PIK3AP1: variants seen among roughly 807,000 people sequenced by gnomAD.
PIK3AP1 encodes phosphoinositide 3-kinase adapter protein 1.
In PIK3AP1, 21 loss-of-function variants were observed where a neutral mutation model predicts 88.1. The ratio of observed to expected loss-of-function variants is 0.24; its 90% CI spans 0.17 to 0.34. PIK3AP1 has a LOEUF of 0.34. PIK3AP1 is among the 10% of genes least tolerant of loss of function. The probability of loss-of-function intolerance (pLI) is 1.00; values close to 1 mark genes in which losing one functional copy is unlikely to be tolerated. For missense variants in PIK3AP1, 828 were observed against 1,035.7 expected, an observed-to-expected ratio of 0.80 and a Z score of 2.75; for synonymous variants, 398 against 400.0, an observed-to-expected ratio of 1.00 and a Z score of 0.06.
chr10:96,676,287 G>A (rs1050841539), intron 2 of PIK3AP1, among the ~76,000 whole-genome samples: 10 of 148,524 alleles, frequency 6.7e-5, no homozygotes, highest in African/African-American at 2.5e-4. Flanking sequence ...CTCTTTGCTT[G>A]TCTTTATCTG....
At position 96,615,883 on chromosome 10, in the gene PIK3AP1, A is replaced by T. The variant is rs1036940758; in HGVS notation, c.2014+756T>A. 2.0e-5 allele frequency among the ~76,000 whole-genome samples: 3 copies of T among 150,882 alleles called. 1 individual carries two copies. The highest frequency in any genetic ancestry group is 4.4e-5 in the Non-Finnish European group (3 of 67,674). ...GAGACCGTGGAAGCTGTGCACAAAC[A>T]GGGCTAGATTTTAACTTGGTTCTTC... On this transcript the variant is annotated intron_variant, in intron 13 of 16. Coordinates refer to ENST00000339364, the MANE Select transcript of PIK3AP1 (RefSeq NM_152309.3).
chr10:96,682,033 G>A (rs866785429), intron 2 of PIK3AP1, among the ~76,000 whole-genome samples: 1 of 150,080 alleles, frequency 6.7e-6, no homozygotes, highest in South Asian at 2.1e-4. Context: ...GAGAGAGAGA[G>A]AGAAACAAGG....
rs1325729375 is a variant in PIK3AP1 at position 96,717,257 on chromosome 10, C to CAA, written c.13+3123_13+3124dup. On this transcript the variant is annotated intron_variant, in intron 1 of 16. Coordinates refer to ENST00000339364, the MANE Select transcript of PIK3AP1 (RefSeq NM_152309.3). The stretch of plus-strand genomic sequence containing the variant: ...TGGGTGACAGAGTGAGACTCCGTCT[C>CAA]AAAAAAAAAAAAAAAAAAACTCACT... 6.2e-3 allele frequency among the ~76,000 whole-genome samples: 580 copies of CAA among 93,286 alleles called. 7 individuals are homozygous for CAA. The highest frequency in any genetic ancestry group is 0.016 in the African/African-American group (355 of 21,522). The allele number at this position is 93,286 out of a possible 152,430, so 61.2% of individuals were successfully genotyped here.
intron 16 of PIK3AP1, among the ~76,000 whole-genome samples, chr10:96,597,373 T>C (rs1448955590): frequency 6.0e-5 from 1 of 16,726 alleles, no homozygotes; most frequent in Non-Finnish European, 1.9e-4. Context: ...TCTCTCTCTC[T>C]CTCTTTCTTT....
intron 2 of PIK3AP1, among the ~76,000 whole-genome samples, chr10:96,676,789 T>C (rs1006345883): frequency 1.3e-5 from 2 of 151,930 alleles, no homozygotes; most frequent in Admixed American, 1.3e-4. Context: ...TCCAGAATAA[T>C]CATCTCCATT....
At chr10:96,650,545 G>C (rs888528606) in intron 6 of PIK3AP1, among the ~76,000 whole-genome samples, 4 of 152,188 alleles carry the variant, frequency 2.6e-5, no homozygotes, top group African/African-American at 9.7e-5. Flanking sequence ...CTCACTGAGC[G>C]GACAGCCTAG....
chr10:96,616,819 G>A (rs894347708), intron 12 of PIK3AP1, 108 bp from the exon 13 acceptor site: 21 of 1,062,494 alleles, frequency 2.0e-5, no homozygotes, highest in Non-Finnish European at 2.6e-5. Flanking sequence ...TCACATTGCA[G>A]TCACATTTAC....
intron 15 of PIK3AP1, among the ~76,000 whole-genome samples, chr10:96,602,806 A>T (rs1240438850): frequency 6.6e-6 from 1 of 152,156 alleles, no homozygotes; most frequent in Non-Finnish European, 1.5e-5. Flanking sequence ...ACATGTCCCA[A>T]ATTGGGCCAA....
intron 1 of PIK3AP1, among the ~76,000 whole-genome samples, chr10:96,713,499 G>T (rs1449550010): frequency 1.8e-5 from 2 of 111,482 alleles, no homozygotes; most frequent in East Asian, 2.8e-4. Flanking sequence ...CCGAGACTCC[G>T]TCTTAAAAAA....
intron 1 of PIK3AP1, among the ~76,000 whole-genome samples, chr10:96,717,760 TTCCTC>T: frequency 6.6e-6 from 1 of 152,280 alleles, no homozygotes; most frequent in Admixed American, 6.5e-5. Flanking sequence ...GATCCTCTCT[TTCCTC>T]TCTCTCACGT....
chr10:96,607,541 C>T (rs1849023401), intron 14 of PIK3AP1, among the ~76,000 whole-genome samples: 1 of 152,156 alleles, frequency 6.6e-6, no homozygotes. Flanking sequence ...TTTGTATGCT[C>T]CTGCCCCCTG....
In PIK3AP1 at chr10:96,629,760, G is replaced by A. The variant is rs1476285928; in HGVS notation, c.1376-1267C>T. 7.5e-5 allele frequency among the ~76,000 whole-genome samples: 11 copies of A among 146,730 alleles called. No homozygotes were observed. The South Asian group carries it at 2.0e-3, about 26-fold the overall frequency. Reference sequence around the variant, plus strand: ...ACAGAAAAAATTAGCAAGGTATAGCGGCACCTGACTGTGGTCCCAGCCACT... The same window carrying A: ...ACAGAAAAAATTAGCAAGGTATAGCAGCACCTGACTGTGGTCCCAGCCACT... On this transcript the variant is annotated intron_variant, in intron 8 of 16. Transcript: ENST00000339364.
intron 14 of PIK3AP1, among the ~76,000 whole-genome samples, chr10:96,607,996 T>C (rs575111856): frequency 4.6e-5 from 7 of 152,244 alleles, no homozygotes; most frequent in South Asian, 4.1e-4. Context: ...GTAAAATCCA[T>C]TGGTCTGTCA....
At chr10:96,633,175 C>A in intron 8 of PIK3AP1, 1 of 1,234,466 alleles carries the variant, frequency 8.1e-7, no homozygotes, top group Non-Finnish European at 1.1e-6. Context: ...CTGTCCCTTT[C>A]AAGTATTTCT....
At chr10:96,651,794 G>A (rs758313044) in intron 4 of PIK3AP1, 143 bp from the exon 5 acceptor site, 129 of 956,980 alleles carry the variant, frequency 1.3e-4, no homozygotes, top group Middle Eastern at 5.5e-4. Context: ...GAGCTGGGGC[G>A]GGAGTGAGGG....
chr10:96,659,852 G>T (rs1843662580), intron 2 of PIK3AP1, among the ~76,000 whole-genome samples: 1 of 152,000 alleles, frequency 6.6e-6, no homozygotes, highest in Non-Finnish European at 1.5e-5. Flanking sequence ...AATATTTAGA[G>T]TAAAAGCCAC....
intron 10 of PIK3AP1, among the ~76,000 whole-genome samples, chr10:96,624,749 G>C (rs1313274378): frequency 1.3e-5 from 2 of 152,048 alleles, no homozygotes; most frequent in Admixed American, 6.5e-5. Context: ...ATGAACCCAG[G>C]TGTTCTGGCA....
intron 8 of PIK3AP1, among the ~76,000 whole-genome samples, chr10:96,641,879 C>T (rs1218084847): frequency 3.3e-5 from 5 of 152,108 alleles, no homozygotes; most frequent in Admixed American, 2.6e-4. Flanking sequence ...TTCTGCTGGG[C>T]GGTGCTGCAA....
chr10:96,624,566 G>C (rs1451267337), intron 10 of PIK3AP1, among the ~76,000 whole-genome samples: 1 of 152,022 alleles, frequency 6.6e-6, no homozygotes, highest in East Asian at 1.9e-4. Flanking sequence ...GGTGGCTCAT[G>C]CCCATAATCC....
Sources: allele counts gnomAD v4.1 joint callset (sites outside exome capture counted in the v4.1 genomes callset), GRCh38; gene constraint gnomAD v4.1.1; transcripts MANE v1.5; gene names NCBI Gene and HGNC (gene_info 2026-07-23, HGNC 2026-07-21).